SPATA31H1: variants seen among roughly 807,000 people sequenced by gnomAD.
SPATA31H1 encodes spermatogenesis-associated protein 31H1.
chr2:27,580,862 A>C, the SPATA31H1 span: 2 of 1,614,184 alleles, frequency 1.2e-6, no homozygotes, highest in Non-Finnish European at 8.5e-7. Flanking sequence ...TATTGTGGGG[A>C]GGAACGGTCC....
At chr2:27,570,186 G>A in the SPATA31H1 span, 10 of 398,812 alleles carry the variant, frequency 2.5e-5, no homozygotes, top group Admixed American at 3.1e-4. Context: ...AGCTCAGCTC[G>A]AAGATATAAA....
chr2:27,546,960 T>C, the SPATA31H1 span, among the ~76,000 whole-genome samples: 1 of 152,160 alleles, frequency 6.6e-6, no homozygotes, highest in Non-Finnish European at 1.5e-5. Context: ...CCCTGTCCTT[T>C]CCTCCAGCAC....
At chr2:27,550,103 T>C in the SPATA31H1 span, among the ~76,000 whole-genome samples, 6 of 152,198 alleles carry the variant, frequency 3.9e-5, no homozygotes, top group African/African-American at 1.2e-4. Flanking sequence ...ACAACTATAT[T>C]GTCTGCAAAT....
At chr2:27,560,768 A>C in the SPATA31H1 span, among the ~76,000 whole-genome samples, 16 of 152,264 alleles carry the variant, frequency 1.1e-4, no homozygotes, top group South Asian at 3.3e-3. Flanking sequence ...TCCATAAAGA[A>C]TATTTCATTT....
the SPATA31H1 span, chr2:27,567,586 A>G: frequency 3.7e-5 from 15 of 402,844 alleles, no homozygotes; most frequent in Admixed American, 2.5e-4. Flanking sequence ...CAACCTGGGG[A>G]TGGCCCTCAA....
chr2:27,570,806 T>C, the SPATA31H1 span: 41 of 398,806 alleles, frequency 1.0e-4, no homozygotes, highest in Admixed American at 6.2e-4. Flanking sequence ...GTGTAAAATA[T>C]GTAGCAGGCA....
At chr2:27,556,782 T>C in the SPATA31H1 span, among the ~76,000 whole-genome samples, 2 of 128,670 alleles carry the variant, frequency 1.6e-5, no homozygotes, top group Non-Finnish European at 1.6e-5. Context: ...CATAGGACAA[T>C]AGTGGAGGGA....
chr2:27,553,371 C>G, the SPATA31H1 span, among the ~76,000 whole-genome samples: 1 of 152,034 alleles, frequency 6.6e-6, no homozygotes, highest in Non-Finnish European at 1.5e-5. Context: ...TTCAGTTCAA[C>G]CTGGCAGTTT....
chr2:27,543,240 A>G, the SPATA31H1 span, among the ~76,000 whole-genome samples: 1 of 151,932 alleles, frequency 6.6e-6, no homozygotes, highest in Non-Finnish European at 1.5e-5. Flanking sequence ...AACTTCTTTC[A>G]TCCTCATAAT....
At chr2:27,546,175 G>T in the SPATA31H1 span, among the ~76,000 whole-genome samples, 2 of 151,964 alleles carry the variant, frequency 1.3e-5, no homozygotes, top group African/African-American at 4.8e-5. Flanking sequence ...ATGACCAAAA[G>T]TTCTAAATTT....
At chr2:27,547,000 T>C in the SPATA31H1 span, among the ~76,000 whole-genome samples, 4 of 151,986 alleles carry the variant, frequency 2.6e-5, no homozygotes, top group African/African-American at 9.7e-5. Context: ...CCTATTCTCA[T>C]TGAATTTTAT....
At chr2:27,579,200 G>C in the SPATA31H1 span, 1 of 1,614,216 alleles carries the variant, frequency 6.2e-7, no homozygotes, top group Non-Finnish European at 8.5e-7. Flanking sequence ...ATGTCTGGGA[G>C]AGTCATGCCT....
At chr2:27,538,788 G>A in the SPATA31H1 span, among the ~76,000 whole-genome samples, 4 of 151,766 alleles carry the variant, frequency 2.6e-5, no homozygotes, top group African/African-American at 7.3e-5. Context: ...CTGAGACCAC[G>A]CCATTGCACT....
At chr2:27,544,299 C>T in the SPATA31H1 span, among the ~76,000 whole-genome samples, 3 of 151,638 alleles carry the variant, frequency 2.0e-5, no homozygotes, top group South Asian at 2.1e-4. Flanking sequence ...TAACTAAAAC[C>T]CTAATAAAGA....
the SPATA31H1 span, chr2:27,579,359 T>A: frequency 6.2e-7 from 1 of 1,614,232 alleles, no homozygotes; most frequent in East Asian, 2.2e-5. Context: ...AGAATTTATT[T>A]GGGATTCCAG....
chr2:27,576,861 T>G, the SPATA31H1 span: 1 of 1,614,064 alleles, frequency 6.2e-7, no homozygotes, highest in Admixed American at 1.7e-5. Flanking sequence ...AGCACCAGGG[T>G]CACTGCCTCA....
At chr2:27,554,787 T>C in the SPATA31H1 span, among the ~76,000 whole-genome samples, 1 of 152,014 alleles carries the variant, frequency 6.6e-6, no homozygotes, top group East Asian at 1.9e-4. Context: ...TTGACCAGGC[T>C]GGTCTCAAAC....
chr2:27,565,959 T>C, the SPATA31H1 span: 2 of 709,210 alleles, frequency 2.8e-6, no homozygotes, highest in Non-Finnish European at 5.3e-6. Flanking sequence ...CTTTGTTTCC[T>C]TATTTGCAAA....
At chr2:27,575,997 T>C in the SPATA31H1 span, 1 of 398,338 alleles carries the variant, frequency 2.5e-6, no homozygotes, top group Non-Finnish European at 4.4e-6. The surrounding 1 kb of genome is among the most constrained non-coding windows in gnomAD (Gnocchi z 4.1). Context: ...TTTGCAAGGT[T>C]TAAAATCTGA....
Sources: allele counts gnomAD v4.1 joint callset (sites outside exome capture counted in the v4.1 genomes callset), GRCh38; gene constraint gnomAD v4.1.1; non-coding constraint Gnocchi (gnomAD v3.1); transcripts MANE v1.5; gene names NCBI Gene and HGNC (gene_info 2026-07-23, HGNC 2026-07-21).